The following ANOS1 variants were observed in gnomAD, a reference collection of about 807,000 sequenced individuals.
The protein encoded by ANOS1 is anosmin-1.
In ANOS1, 6 loss-of-function variants were observed where a neutral mutation model predicts 59.0. That is an observed-to-expected ratio of 0.10 (90% CI 0.06 to 0.20). ANOS1 has a LOEUF of 0.20. ANOS1 is among the 10% of genes least tolerant of loss of function. ANOS1 has a pLI of 1.00. For missense variants in ANOS1, 433 were observed against 542.3 expected (o/e 0.80, Z 2.00); for synonymous variants, 217 against 223.4 (o/e 0.97, Z 0.25).
intron 2 of ANOS1, among the ~76,000 whole-genome samples, chrX:8,627,656 T>C (rs1433145314): frequency 9.0e-6 from 1 of 110,952 alleles, no homozygotes; most frequent in African/African-American, 3.3e-5. Flanking sequence ...GCACAACCTA[T>C]ATACAATCAT....
chrX:8,558,791 C>A (rs1159098915), intron 8 of ANOS1, among the ~76,000 whole-genome samples: 1 of 111,684 alleles, frequency 9.0e-6, no homozygotes, highest in Non-Finnish European at 1.9e-5. Flanking sequence ...GTTGACAATG[C>A]CAACTTCAGC....
intron 3 of ANOS1, among the ~76,000 whole-genome samples, chrX:8,610,295 T>C (rs1042862885): frequency 6.3e-5 from 7 of 111,639 alleles, no homozygotes; most frequent in African/African-American, 2.3e-4. Flanking sequence ...TATTCAGACA[T>C]TGGACAATAG....
intron 1 of ANOS1, among the ~76,000 whole-genome samples, chrX:8,726,155 T>G (rs913936256): frequency 5.4e-5 from 6 of 111,479 alleles, no homozygotes; most frequent in African/African-American, 2.0e-4. Context: ...AGCCTGGGGC[T>G]GATTTGTAGC....
At chrX:8,641,959 C>A (rs2146858003) in intron 2 of ANOS1, among the ~76,000 whole-genome samples, 1 of 110,748 alleles carries the variant, frequency 9.0e-6, no homozygotes, top group South Asian at 3.7e-4. Flanking sequence ...TAATGTAATT[C>A]TAGAGTAAAT....
chrX:8,707,787 A>C (rs968460728), intron 1 of ANOS1, among the ~76,000 whole-genome samples: 6 of 111,978 alleles, frequency 5.4e-5, no homozygotes, highest in Admixed American at 4.7e-4. Context: ...TGGGGAGGGG[A>C]GGCAGATCCT....
rs764791015 is a variant in ANOS1 at position 8,590,642 on chromosome X, C to G, written c.542-2664G>C. On this transcript the variant is annotated intron_variant, in intron 4 of 13. Transcript: ENST00000262648. ...AACCATGTCTCCTTCATTCCCGCACCTCACAATGTCCCAGAAGAGAACATT... is the reference window on the plus strand; with the variant it reads ...AACCATGTCTCCTTCATTCCCGCACGTCACAATGTCCCAGAAGAGAACATT... Among the ~76,000 whole-genome samples, 8 of 112,040 alleles carry G rather than the reference C, an allele frequency of 7.1e-5. No homozygotes were observed. In the South Asian group the frequency reaches 2.6e-3, roughly 37 times the overall value.
intron 2 of ANOS1, among the ~76,000 whole-genome samples, chrX:8,695,987 C>A (rs752371258): frequency 8.9e-6 from 1 of 112,014 alleles, no homozygotes; most frequent in Admixed American, 9.5e-5. Context: ...TAATTTCACT[C>A]ACACACAATT....
intron 3 of ANOS1, among the ~76,000 whole-genome samples, chrX:8,607,128 A>G (rs1391988882): frequency 1.8e-5 from 2 of 112,524 alleles, no homozygotes; most frequent in Non-Finnish European, 3.8e-5. Flanking sequence ...CTCAAAAAAG[A>G]AAATAGGGTG....
chrX:8,531,104 T>C lies in ANOS1; in HGVS notation c.*1891A>G, dbSNP rs781063587. The C allele has an allele frequency of 9.8e-6, 1 of 102,061 alleles. No homozygotes were observed. The highest frequency in any genetic ancestry group is 1.1e-4 in the Admixed American group (1 of 9,224). The allele number at this position is 102,061 out of a possible 1,213,427, so 8.4% of individuals were successfully genotyped here. On this transcript the variant is annotated 3_prime_UTR_variant, in exon 14 of 14. Transcript: ENST00000262648. ...TGCAGTGAACCATTCAGAACCAACA[T>C]GAACTTTCATTCTGAGGTGTCCAAT... is the stretch of plus-strand genomic sequence containing the variant.
At chrX:8,612,551 GTTTTT>G (rs60402454) in intron 3 of ANOS1, among the ~76,000 whole-genome samples, 1 of 60,819 alleles carries the variant, frequency 1.6e-5, no homozygotes, top group African/African-American at 5.5e-5. Context: ...AAAACAAGAA[GTTTTT>G]TTTTTTTTTT....
chrX:8,628,775 CA>C (rs1459327882), intron 2 of ANOS1, among the ~76,000 whole-genome samples: 2 of 112,322 alleles, frequency 1.8e-5, no homozygotes, highest in Non-Finnish European at 3.8e-5. Flanking sequence ...AATGAAGAAA[CA>C]CTTTAAATTT....
intron 1 of ANOS1, among the ~76,000 whole-genome samples, chrX:8,731,239 A>G (rs1932973820): frequency 8.9e-6 from 1 of 112,185 alleles, no homozygotes; most frequent in Non-Finnish European, 1.9e-5. Flanking sequence ...CGCACCCCCA[A>G]CACGCGCATA....
intron 8 of ANOS1, among the ~76,000 whole-genome samples, chrX:8,556,476 A>G (rs1399148225): frequency 8.9e-6 from 1 of 112,331 alleles, no homozygotes; most frequent in Non-Finnish European, 1.9e-5. Context: ...AAGCAACTTC[A>G]GCAAAGTCTC....
intron 7 of ANOS1, among the ~76,000 whole-genome samples, chrX:8,569,512 G>C (rs1930186323): frequency 9.0e-6 from 1 of 111,307 alleles, no homozygotes; most frequent in African/African-American, 3.3e-5. Context: ...TGTGGTGGCG[G>C]GCGCCTGTAG....
intron 1 of ANOS1, among the ~76,000 whole-genome samples, chrX:8,710,225 C>T (rs919937002): frequency 1.7e-4 from 19 of 111,756 alleles, no homozygotes; most frequent in Middle Eastern, 4.7e-3. Context: ...CCACCACGCC[C>T]GGCCGTGTTA....
intron 2 of ANOS1, among the ~76,000 whole-genome samples, chrX:8,687,430 A>G (rs1328006487): frequency 9.2e-6 from 1 of 109,197 alleles, no homozygotes; most frequent in Admixed American, 9.9e-5. Context: ...TGTCTAAAAT[A>G]AATAAATAAA....
At chrX:8,571,854 T>C (rs1403249332) in intron 6 of ANOS1, among the ~76,000 whole-genome samples, 1 of 112,067 alleles carries the variant, frequency 8.9e-6, no homozygotes, top group African/African-American at 3.2e-5. Context: ...TAGCACCATC[T>C]GTGTTGGAGG....
intron 8 of ANOS1, among the ~76,000 whole-genome samples, chrX:8,561,322 C>T (rs191363036): frequency 0.018 from 1,958 of 110,686 alleles, 18 homozygotes; most frequent in Middle Eastern, 0.037. Flanking sequence ...TTTTTTGAGA[C>T]GGAGTCTCGC....
At chrX:8,613,719 C>T (rs1163922519) in intron 3 of ANOS1, among the ~76,000 whole-genome samples, 1 of 110,358 alleles carries the variant, frequency 9.1e-6, no homozygotes, top group Non-Finnish European at 1.9e-5. Flanking sequence ...TGGCTCACTG[C>T]AGTCTCGACC....
Sources: gnomAD v4.1 joint callset for allele counts (sites outside exome capture counted in the v4.1 genomes callset) on GRCh38, gnomAD v4.1.1 for gene constraint, MANE v1.5 for transcripts, NCBI Gene and HGNC (gene_info 2026-07-23, HGNC 2026-07-21) for gene names.